Variants in CRY1 observed in about 807,000 individuals in gnomAD.
The protein encoded by CRY1 is cryptochrome circadian regulator 1.
A neutral mutation model predicts 76.0 loss-of-function variants in CRY1; 45 were observed. That is an observed-to-expected ratio of 0.59 (90% confidence interval 0.47 to 0.76). The LOEUF (loss-of-function observed/expected upper bound fraction) is 0.76, where lower values mean the gene tolerates loss of function less well. CRY1 is among the 30% of genes least tolerant of loss of function. The pLI, the probability that CRY1 is intolerant of heterozygous loss-of-function variation, is 0.00. For synonymous variants in CRY1, 248 were observed against 244.0 expected (o/e 1.02, Z -0.15); for missense variants, 587 against 716.4 (o/e 0.82, Z 2.06).
intron 2 of CRY1, among the ~76,000 whole-genome samples, chr12:107,016,517 T>A (rs1952499780): frequency 6.6e-6 from 1 of 152,160 alleles, no homozygotes; most frequent in Non-Finnish European, 1.5e-5. Context: ...TATAATTGCA[T>A]AAAAATGTAA....
intron 1 of CRY1, among the ~76,000 whole-genome samples, chr12:107,023,097 T>TCATGTTAA (rs1952575907): frequency 6.6e-6 from 1 of 152,232 alleles, no homozygotes; most frequent in South Asian, 2.1e-4. Flanking sequence ...ATTTAGATTC[T>TCATGTTAA]GTTCTTTTCA....
chr12:107,040,856 C>T (rs1266575457), intron 1 of CRY1, among the ~76,000 whole-genome samples: 1 of 151,840 alleles, frequency 6.6e-6, no homozygotes, highest in African/African-American at 2.4e-5. Flanking sequence ...ATTGCATATA[C>T]ACTTGATTTC....
intron 1 of CRY1, among the ~76,000 whole-genome samples, chr12:107,056,376 G>C (rs774020235): frequency 2.6e-5 from 4 of 152,224 alleles, no homozygotes; most frequent in African/African-American, 4.8e-5. Flanking sequence ...ATTTTCATCA[G>C]AGGGGCACAA....
chr12:107,079,171 G>C (rs1411691306), intron 1 of CRY1, among the ~76,000 whole-genome samples: 3 of 152,100 alleles, frequency 2.0e-5, no homozygotes, highest in Non-Finnish European at 4.4e-5. Flanking sequence ...GTTCAGTCAA[G>C]CTGATTCCAC....
At chr12:107,051,526 C>T (rs190903231) in intron 1 of CRY1, among the ~76,000 whole-genome samples, 2 of 151,968 alleles carry the variant, frequency 1.3e-5, no homozygotes, top group South Asian at 4.2e-4. Flanking sequence ...TGAAGCCTCC[C>T]AAATTTAATG....
At chr12:107,009,572 A>G (rs1952418779) in intron 2 of CRY1, among the ~76,000 whole-genome samples, 1 of 51,086 alleles carries the variant, frequency 2.0e-5, no homozygotes, top group African/African-American at 1.1e-4. Context: ...ACATATATAT[A>G]TATATATATA....
chr12:107,092,662 T>C (rs1953485554), intron 1 of CRY1, 142 bp downstream of exon 1: 1 of 1,210,666 alleles, frequency 8.3e-7, no homozygotes. Flanking sequence ...TTCTATTTAA[T>C]ACTTAGGGCA....
At chr12:106,992,647 G>A in intron 12 of CRY1, 140 bp downstream of exon 12, 1 of 744,808 alleles carries the variant, frequency 1.3e-6, no homozygotes. Flanking sequence ...AATTAACTGA[G>A]TTTGTAAAAA....
chr12:107,070,659 CTCT>C (rs2136892149), intron 1 of CRY1, among the ~76,000 whole-genome samples: 1 of 147,526 alleles, frequency 6.8e-6, no homozygotes, highest in African/African-American at 2.5e-5. Context: ...TCGCTGGATT[CTCT>C]TATTTTTATT....
intron 1 of CRY1, 91 bp downstream of exon 1, chr12:107,092,713 C>G: frequency 6.4e-7 from 1 of 1,551,912 alleles, no homozygotes; most frequent in Non-Finnish European, 8.7e-7. Flanking sequence ...AGTCCCACGT[C>G]TAAATTCACA....
intron 2 of CRY1, among the ~76,000 whole-genome samples, chr12:107,009,369 T>C (rs938053856): frequency 6.6e-6 from 1 of 151,286 alleles, no homozygotes; most frequent in African/African-American, 2.4e-5. Flanking sequence ...TGAAACCCCG[T>C]CTCCAATAAA....
At chr12:107,056,790 T>C (rs1230769523) in intron 1 of CRY1, among the ~76,000 whole-genome samples, 1 of 151,972 alleles carries the variant, frequency 6.6e-6, no homozygotes, top group Non-Finnish European at 1.5e-5. Context: ...AGATGACAAA[T>C]TACATTCAAA....
At chr12:107,059,721 T>C (rs538214093) in intron 1 of CRY1, among the ~76,000 whole-genome samples, 29 of 152,174 alleles carry the variant, frequency 1.9e-4, no homozygotes, top group Non-Finnish European at 3.8e-4. Context: ...GATCTCACAG[T>C]GACAGAACTC....
Position 107,005,217 on chromosome 12 carries a change from T to C in CRY1, c.299A>G (p.Tyr100Cys). The change falls in exon 3 of 13, where the codon TAT (tyrosine) becomes TGT (cysteine). Residue 100 changes from tyrosine to cysteine, a missense_variant. Coordinates refer to ENST00000008527, the MANE Select transcript of CRY1 (RefSeq NM_004075.5). Reference protein sequence around the residue: ...EWNITKLSIEYDSEPFGKERD... With the variant: ...EWNITKLSIECDSEPFGKERD... ...TTCCTTTCCAAAGGGCTCAGAATCA[T>C]ACTCAATTGAAAGTTTAGTAATGTT... 1.2e-6 allele frequency: 2 copies of C among 1,613,374 alleles called. No homozygotes were observed. Among genetic ancestry groups the C allele is most frequent in the Non-Finnish European group, 1.7e-6 (2 of 1,179,742 alleles).
Position 107,089,568 on chromosome 12 carries a change from TG to T in CRY1, c.158+3235del, listed in dbSNP as rs1953444964. On this transcript the variant is annotated intron_variant, in intron 1 of 12. Transcript: ENST00000008527. ...GGATGGCAATATCAAAAAGTGGTTTTGTTAATGTGCTTATTAGGTAGAATAC... is the reference window on the plus strand; with the variant it reads ...GGATGGCAATATCAAAAAGTGGTTTTTTAATGTGCTTATTAGGTAGAATAC... Among the ~76,000 whole-genome samples the T allele has an allele frequency of 6.6e-5, 10 of 152,288 alleles. No homozygotes were observed. In the South Asian group the frequency reaches 2.1e-3, roughly 32 times the overall value.
intron 2 of CRY1, among the ~76,000 whole-genome samples, chr12:107,005,768 G>T (rs1012973234): frequency 7.2e-5 from 11 of 152,084 alleles, no homozygotes; most frequent in Admixed American, 6.6e-4. Flanking sequence ...GTGTGTGTGT[G>T]TATGTAAATA....
chr12:107,029,968 G>A (rs1212569262), intron 1 of CRY1, among the ~76,000 whole-genome samples: 1 of 152,118 alleles, frequency 6.6e-6, no homozygotes, highest in African/African-American at 2.4e-5. Context: ...TCAAGGATGT[G>A]GTGGTGATGG....
Position 106,999,793 on chromosome 12 carries a change from C to T in CRY1, c.895G>A (p.Ala299Thr). ...TCAAAGCGTGGATTATTTGTTGCTG[C>T]TGTATAGAAAAATTCACGCCATAAC... ...QLLWREFFYTAATNNPRFDKM... is the reference protein window; with the variant it reads ...QLLWREFFYTTATNNPRFDKM... Residue 299 changes from alanine (A) to threonine (T), a missense_variant, in exon 7 of 13, where the codon GCA (alanine) becomes ACA (threonine). Coordinates refer to ENST00000008527, the MANE Select transcript of CRY1 (RefSeq NM_004075.5). 1 of 1,614,174 alleles carries T rather than the reference C, an allele frequency of 6.2e-7. No individual in the cohort carries two copies. The highest frequency in any genetic ancestry group is 8.5e-7 in the Non-Finnish European group (1 of 1,180,030).
chr12:107,090,397 G>A (rs1953456733), intron 1 of CRY1, among the ~76,000 whole-genome samples: 1 of 152,018 alleles, frequency 6.6e-6, no homozygotes, highest in African/African-American at 2.4e-5. Flanking sequence ...TTCTTTACTT[G>A]GCTTCTAAGA....
Sources: allele counts gnomAD v4.1 joint callset (sites outside exome capture counted in the v4.1 genomes callset), GRCh38; gene constraint gnomAD v4.1.1; transcripts MANE v1.5; gene names NCBI Gene and HGNC (gene_info 2026-07-23, HGNC 2026-07-21).